The following CYB5D1 variants were observed in gnomAD, a reference collection of about 807,000 sequenced individuals.
The protein encoded by CYB5D1 is cytochrome b5 domain-containing protein 1.
Under a neutral mutation model 24.3 loss-of-function variants are expected in CYB5D1, and 30 were observed. The observed-to-expected ratio is 1.23, with a 90% CI of 0.92 to 1.67. The LOEUF is 1.67. Ranked by LOEUF, CYB5D1 falls within the 40% of genes most tolerant of loss-of-function variation. The probability of loss-of-function intolerance (pLI) is 0.00; values close to 1 mark genes in which losing one functional copy is unlikely to be tolerated. For missense variants in CYB5D1, 265 were observed against 296.7 expected (o/e 0.89, Z 0.79); for synonymous variants, 128 against 123.2 (o/e 1.04, Z -0.26).
At chr17:7,859,266 C>T (rs1433547591) in intron 3 of CYB5D1, 116 bp from the exon 4 acceptor site, 13 of 771,300 alleles carry the variant, frequency 1.7e-5, no homozygotes, top group South Asian at 1.4e-4. Flanking sequence ...TTTTTTTTCC[C>T]GGGGCCGTAG....
rs753091475 is a variant in CYB5D1 at position 7,858,428 on chromosome 17, G to A, written c.186G>A (p.Val62=). ...YKGNLLLKPI[V]EVAGQDISHW... ...GGAACCTGCTGCTGAAACCCATCGTGGAAGTTGCAGGCCAGGATATCAGCC... is the reference window on the plus strand; with the variant it reads ...GGAACCTGCTGCTGAAACCCATCGTAGAAGTTGCAGGCCAGGATATCAGCC... The change falls in exon 2 of 4, where the codon GTG becomes GTA. Residue 62 remains valine (V), a synonymous_variant. Coordinates refer to ENST00000332439, the MANE Select transcript of CYB5D1 (RefSeq NM_144607.6). 6.2e-7 allele frequency: 1 copy of A among 1,614,174 alleles called. No homozygotes were observed. The highest frequency in any genetic ancestry group is 1.1e-5 in the South Asian group (1 of 91,082).
At chr17:7,858,336 T>A in intron 1 of CYB5D1, 42 bp downstream of exon 1, 1 of 1,613,926 alleles carries the variant, frequency 6.2e-7, no homozygotes, top group Non-Finnish European at 8.5e-7. Context: ...TGTGTGTGTG[T>A]GCACGCGCGC....
chr17:7,859,746 C>T lies in CYB5D1; in HGVS notation c.*134C>T, dbSNP rs2078869238. 6 of 732,480 alleles carry T rather than the reference C, an allele frequency of 8.2e-6. 1 individual carries two copies. Among genetic ancestry groups the T allele is most frequent in the South Asian group, 6.8e-5 (4 of 58,590 alleles). The allele number at this position is 732,480 out of a possible 1,614,324, so 45.4% of individuals were successfully genotyped here. The stretch of plus-strand genomic sequence containing the variant: ...CTCCTCTCCAGGAGCTAGCCTGTGC[C>T]CTTCTGAAGTGTAAAGGCCCTATTC... On this transcript the variant is annotated 3_prime_UTR_variant, in exon 4 of 4. Coordinates refer to ENST00000332439, the MANE Select transcript of CYB5D1 (RefSeq NM_144607.6).
rs888127986 is a variant in CYB5D1 at position 7,860,348 on chromosome 17, G to A, written c.*736G>A. 6.6e-6 allele frequency: 1 copy of A among 152,186 alleles called. No individual in the cohort carries two copies. Among genetic ancestry groups the A allele is most frequent in the Non-Finnish European group, 1.5e-5 (1 of 68,106 alleles). 9.4% of individuals were successfully genotyped at this position (152,186 alleles called of 1,614,324 possible). ...TTTTTTGTAGACACAGGGTCTCGCT[G>A]TGTTGCCCAGGCTGGTTTCAACCTC... is the stretch of plus-strand genomic sequence containing the variant. On this transcript the variant is annotated 3_prime_UTR_variant, in exon 4 of 4. Coordinates refer to ENST00000332439, the MANE Select transcript of CYB5D1 (RefSeq NM_144607.6).
In CYB5D1 at chr17:7,859,963, A is replaced by C. The variant is rs1230964595; in HGVS notation, c.*351A>C. 3.3e-5 allele frequency: 8 copies of C among 242,474 alleles called. No homozygotes were observed. Among genetic ancestry groups the C allele is most frequent in the Non-Finnish European group, 5.7e-5 (7 of 123,774 alleles). The allele number at this position is 242,474 out of a possible 1,614,324, so 15.0% of individuals were successfully genotyped here. On this transcript the variant is annotated 3_prime_UTR_variant, in exon 4 of 4. Coordinates refer to ENST00000332439, the MANE Select transcript of CYB5D1 (RefSeq NM_144607.6). ...GAAGGACTTTTTTGGCAATGATGGAAATGAGATGTCTGCAGGAAGATGGGA... is the reference window on the plus strand; with the variant it reads ...GAAGGACTTTTTTGGCAATGATGGACATGAGATGTCTGCAGGAAGATGGGA...
rs956424178 is a variant in CYB5D1, at chr17:7,860,839, C to G, written c.*1227C>G. ...TGTTAATCCCATACCCCAGATTTCTCTCCTGACCTTTTGGGGCAAAGAGGT... is the reference window on the plus strand; with the variant it reads ...TGTTAATCCCATACCCCAGATTTCTGTCCTGACCTTTTGGGGCAAAGAGGT... On this transcript the variant is annotated 3_prime_UTR_variant, in exon 4 of 4. Transcript: ENST00000332439. 6.7e-6 allele frequency: 1 copy of G among 149,768 alleles called. No homozygotes were observed. Among genetic ancestry groups the G allele is most frequent in the Admixed American group, 6.8e-5 (1 of 14,772 alleles). 9.3% of individuals were successfully genotyped at this position (149,768 alleles called of 1,614,324 possible).
chr17:7,861,421 T>C lies in CYB5D1; in HGVS notation c.*1809T>C, dbSNP rs1343751109. Reference sequence around the variant, plus strand: ...GTCCATGAATTATCTAAATCGATCATTTTGATCTTTAATCAACTCTGCAAT... The same window carrying C: ...GTCCATGAATTATCTAAATCGATCACTTTGATCTTTAATCAACTCTGCAAT... On this transcript the variant is annotated 3_prime_UTR_variant, in exon 4 of 4. Coordinates refer to ENST00000332439, the MANE Select transcript of CYB5D1 (RefSeq NM_144607.6). 2.6e-5 allele frequency: 4 copies of C among 152,214 alleles called. No homozygotes were observed. The highest frequency in any genetic ancestry group is 5.9e-5 in the Non-Finnish European group (4 of 68,040). 9.4% of individuals were successfully genotyped at this position (152,214 alleles called of 1,614,324 possible). A position where few individuals can be genotyped will look rare whatever the true frequency, so the allele number is the denominator to read the frequency against.
chr17:7,859,821 G>A lies in CYB5D1; in HGVS notation c.*209G>A. The A allele has an allele frequency of 1.8e-6, 1 of 563,040 alleles. No homozygotes were observed. Among genetic ancestry groups the A allele is most frequent in the East Asian group, 3.0e-5 (1 of 32,970 alleles). The allele number at this position is 563,040 out of a possible 1,614,324, so 34.9% of individuals were successfully genotyped here. On this transcript the variant is annotated 3_prime_UTR_variant, in exon 4 of 4. Transcript: ENST00000332439. Reference sequence around the variant, plus strand: ...GAGAAAATTAGTGAATTAATCTTTGGGAATGATACAAGAAGATCAAGTACC... The same window carrying A: ...GAGAAAATTAGTGAATTAATCTTTGAGAATGATACAAGAAGATCAAGTACC...
chr17:7,858,425 C>A lies in CYB5D1; in HGVS notation c.183C>A (p.Ile61=). ...EYKGNLLLKP[I]VEVAGQDISH... is the part of the protein sequence containing the mutation. ...AAGGGAACCTGCTGCTGAAACCCAT[C>A]GTGGAAGTTGCAGGCCAGGATATCA... Residue 61 remains isoleucine, a synonymous_variant, in exon 2 of 4, where the codon ATC becomes ATA. Coordinates refer to ENST00000332439, the MANE Select transcript of CYB5D1 (RefSeq NM_144607.6). 6.2e-7 allele frequency: 1 copy of A among 1,614,162 alleles called. No homozygotes were observed. Among genetic ancestry groups the A allele is most frequent in the Admixed American group, 1.7e-5 (1 of 60,030 alleles).
chr17:7,858,356 G>C, intron 1 of CYB5D1, 47 bp from the exon 2 acceptor site: 1 of 1,614,090 alleles, frequency 6.2e-7, no homozygotes, highest in South Asian at 1.1e-5. Flanking sequence ...CGTTTGCCTG[G>C]TTCTCGAAGG....
In CYB5D1 at chr17:7,859,529, G is replaced by T. The variant is rs766178301; in HGVS notation, c.604G>T (p.Glu202Ter). 1.2e-6 allele frequency: 2 copies of T among 1,614,160 alleles called. No individual in the cohort carries two copies. The highest frequency in any genetic ancestry group is 1.6e-4 in the Middle Eastern group (1 of 6,062). ...EENGIRDEEE[E>*]FDYLSMDGTL... ...GAATGGGATCCGGGATGAGGAGGAA[G>T]AATTTGACTATCTCAGTATGGACGG... is the stretch of plus-strand genomic sequence containing the variant. The change falls in exon 4 of 4, where the codon GAA becomes TAA. Residue 202 changes from glutamate to a stop codon, truncating the protein, a stop_gained. Transcript: ENST00000332439. LOFTEE classifies it high-confidence loss of function.
At position 7,859,862 on chromosome 17, in the gene CYB5D1, GTAGAAGAGGA is replaced by G. The variant is rs1478237120; in HGVS notation, c.*254_*263del. On this transcript the variant is annotated 3_prime_UTR_variant, in exon 4 of 4. Transcript: ENST00000332439. ...ATCAAGTACCTTGGTTTAGGGAGAT[GTAGAAGAGGA>G]TAGTCAGAGTTCAGGCAGAACTGTT... 1 of 501,540 alleles carries G rather than the reference GTAGAAGAGGA, an allele frequency of 2.0e-6. No individual in the cohort carries two copies. Among genetic ancestry groups the G allele is most frequent in the Non-Finnish European group, 3.6e-6 (1 of 277,426 alleles). 31.1% of individuals were successfully genotyped at this position (501,540 alleles called of 1,614,324 possible). A position where few individuals can be genotyped will look rare whatever the true frequency, so the allele number is the denominator to read the frequency against.
chr17:7,859,464 A>T lies in CYB5D1; in HGVS notation c.539A>T (p.Tyr180Phe). Residue 180 changes from tyrosine to phenylalanine, a missense_variant, in exon 4 of 4, where the codon TAT becomes TTT. Transcript: ENST00000332439. ...NSHAASYTWK[Y>F]EGKNLNMDFT... ...CATGCTGCCAGCTACACGTGGAAATATGAAGGGAAGAACCTGAACATGGAT... is the reference window on the plus strand; with the variant it reads ...CATGCTGCCAGCTACACGTGGAAATTTGAAGGGAAGAACCTGAACATGGAT... 2 of 1,614,200 alleles carry T rather than the reference A, an allele frequency of 1.2e-6. No individual in the cohort carries two copies. The highest frequency in any genetic ancestry group is 1.7e-6 in the Non-Finnish European group (2 of 1,180,036).
chr17:7,859,605 A>T lies in CYB5D1; in HGVS notation c.680A>T (p.Glu227Val). The change falls in exon 4 of 4, where the codon GAG (glutamate) becomes GTG (valine). Residue 227 changes from glutamate (E) to valine (V), a missense_variant. Coordinates refer to ENST00000332439, the MANE Select transcript of CYB5D1 (RefSeq NM_144607.6). Reference protein sequence around the residue: ...ILLYFNDDLTEL With the variant: ...ILLYFNDDLTVL ...CTGTACTTCAATGATGATCTCACGG[A>T]GTTGTAGGCAAGGAGATGTACACTC... 1 of 1,613,926 alleles carries T rather than the reference A, an allele frequency of 6.2e-7. No homozygotes were observed. Among genetic ancestry groups the T allele is most frequent in the Non-Finnish European group, 8.5e-7 (1 of 1,179,894 alleles).
chr17:7,858,072 G>GT lies in CYB5D1; in HGVS notation c.-62dup. 6.3e-7 allele frequency: 1 copy of GT among 1,599,474 alleles called. No homozygotes were observed. The highest frequency in any genetic ancestry group is 8.5e-7 in the Non-Finnish European group (1 of 1,174,662). On this transcript the variant is annotated 5_prime_UTR_variant, in exon 1 of 4. Coordinates refer to ENST00000332439, the MANE Select transcript of CYB5D1 (RefSeq NM_144607.6). ...GGACGCGACGGAGGTCGTAGTAGTA[G>GT]TGAGTACGTGCTGAGGAGCAAAGGA...
In CYB5D1 at chr17:7,862,018, T is replaced by C. The variant is rs1453011097; in HGVS notation, c.*2406T>C. 6.6e-6 allele frequency: 1 copy of C among 152,248 alleles called. No homozygotes were observed. Among genetic ancestry groups the C allele is most frequent in the East Asian group, 1.9e-4 (1 of 5,192 alleles). The allele number at this position is 152,248 out of a possible 1,614,324, so 9.4% of individuals were successfully genotyped here. A position where few individuals can be genotyped will look rare whatever the true frequency, so the allele number is the denominator to read the frequency against. On this transcript the variant is annotated 3_prime_UTR_variant, in exon 4 of 4. Coordinates refer to ENST00000332439, the MANE Select transcript of CYB5D1 (RefSeq NM_144607.6). ...CTGCCTGCAACACTCTTCCTTTCAC[T>C]TTCCACCTAGCTGATCCTAAATGTT... is the stretch of plus-strand genomic sequence containing the variant.
Position 7,858,697 on chromosome 17 carries a change from C to G in CYB5D1, c.329C>G (p.Ser110Trp), listed in dbSNP as rs868214750. Residue 110 changes from serine to tryptophan, a missense_variant, in exon 3 of 4, where the codon TCG (serine) becomes TGG (tryptophan). Coordinates refer to ENST00000332439, the MANE Select transcript of CYB5D1 (RefSeq NM_144607.6). ...CACGTTCCGCCTCAGCTGCCCTGTTCGGACTGGGCCAACGATTTTGGGAAG... is the reference window on the plus strand; with the variant it reads ...CACGTTCCGCCTCAGCTGCCCTGTTGGGACTGGGCCAACGATTTTGGGAAG... ...FVHVPPQLPCSDWANDFGKPW... is the reference protein window; with the variant it reads ...FVHVPPQLPCWDWANDFGKPW... 5 of 1,611,062 alleles carry G rather than the reference C, an allele frequency of 3.1e-6. No individual in the cohort carries two copies. The Admixed American group carries it at 6.7e-5, about 22-fold the overall frequency.
Position 7,859,653 on chromosome 17 carries a change from G to C in CYB5D1, c.*41G>C, listed in dbSNP as rs376697360. On this transcript the variant is annotated 3_prime_UTR_variant, in exon 4 of 4. Coordinates refer to ENST00000332439, the MANE Select transcript of CYB5D1 (RefSeq NM_144607.6). ...CTCGTGTAGACTCAAGACGTATTTC[G>C]AGTTTGGCTTTTTCTGTGCCTTGAG... 1.9e-6 allele frequency: 3 copies of C among 1,597,578 alleles called. No homozygotes were observed. In the African/African-American group the frequency reaches 4.0e-5, roughly 21 times the overall value.
At position 7,861,151 on chromosome 17, in the gene CYB5D1, G is replaced by C. The variant is rs1417146509; in HGVS notation, c.*1539G>C. The C allele has an allele frequency of 1.3e-5, 2 of 152,104 alleles. No individual in the cohort carries two copies. The highest frequency in any genetic ancestry group is 4.8e-5 in the African/African-American group (2 of 41,426). 9.4% of individuals were successfully genotyped at this position (152,104 alleles called of 1,614,324 possible). ...AGGGGAGATTTGAGAATGACAGACAGTTGAACTTCCTGGCAGCAGCAAGCA... is the reference window on the plus strand; with the variant it reads ...AGGGGAGATTTGAGAATGACAGACACTTGAACTTCCTGGCAGCAGCAAGCA... On this transcript the variant is annotated 3_prime_UTR_variant, in exon 4 of 4. Transcript: ENST00000332439.
Sources: allele counts gnomAD v4.1 joint callset, GRCh38; gene constraint gnomAD v4.1.1; transcripts MANE v1.5; gene names NCBI Gene and HGNC (gene_info 2026-07-23, HGNC 2026-07-21).